CSMD3: variants seen among roughly 807,000 people sequenced by gnomAD.
CSMD3 encodes the protein CUB and sushi domain-containing protein 3.
CSMD3 carries 177 observed loss-of-function variants against 435.2 expected under a neutral mutation model. The observed-to-expected ratio is 0.41, with a 90% CI of 0.36 to 0.46. The LOEUF is 0.46. Among genes scored for constraint, CSMD3 ranks in the 20% least tolerant of loss-of-function variants. CSMD3 has a pLI of 0.34. For missense variants in CSMD3, 4,265 were observed against 4,504.6 expected, an observed-to-expected ratio of 0.95 and a Z score of 1.52; for synonymous variants, 1,656 against 1,520.5, an observed-to-expected ratio of 1.09 and a Z score of -2.07.
intron 57 of CSMD3, 25 bp from the exon 58 acceptor site, chr8:112,287,271 A>C: frequency 6.2e-7 from 1 of 1,611,476 alleles, no homozygotes; most frequent in Admixed American, 1.7e-5. Flanking sequence ...AGTTCAAGTT[A>C]ACCAATTCCC....
At chr8:113,413,002 G>T (rs1235366533) in intron 1 of CSMD3, among the ~76,000 whole-genome samples, 1 of 152,028 alleles carries the variant, frequency 6.6e-6, no homozygotes, top group South Asian at 2.1e-4. Context: ...AACAGGACAT[G>T]ATAAATTAGC....
At chr8:112,983,564 C>G (rs957758983) in intron 6 of CSMD3, among the ~76,000 whole-genome samples, 4 of 149,694 alleles carry the variant, frequency 2.7e-5, no homozygotes, top group African/African-American at 9.9e-5. Flanking sequence ...GAGGGCCATA[C>G]TAGATTAATT....
At chr8:113,267,157 G>A (rs896263013) in intron 3 of CSMD3, among the ~76,000 whole-genome samples, 3 of 151,534 alleles carry the variant, frequency 2.0e-5, no homozygotes, top group African/African-American at 7.3e-5. Context: ...GTAGGAATGG[G>A]TACTAGTACA....
chr8:112,816,393 C>T (rs2079375756), intron 12 of CSMD3, among the ~76,000 whole-genome samples: 1 of 152,100 alleles, frequency 6.6e-6, no homozygotes, highest in Non-Finnish European at 1.5e-5. Flanking sequence ...ATAATTATAA[C>T]ACAAGGGGCT....
chr8:113,436,938 G>A lies in CSMD3; in HGVS notation c.-84C>T, dbSNP rs1419498873. 4.8e-6 allele frequency: 7 copies of A among 1,455,502 alleles called. No individual in the cohort carries two copies. The highest frequency in any genetic ancestry group is 6.7e-6 in the Non-Finnish European group (7 of 1,041,130). 90.2% of individuals were successfully genotyped at this position (1,455,502 alleles called of 1,614,324 possible). A position where few individuals can be genotyped will look rare whatever the true frequency, so the allele number is the denominator to read the frequency against. ...TGTTGGTGCGCGGTCACAGCTCGGA[G>A]TGAATGGTGTTTCTGGGATACCACA... On this transcript the variant is annotated 5_prime_UTR_variant, in exon 1 of 71. Transcript: ENST00000297405.
chr8:113,432,990 G>A (rs1022992009), intron 1 of CSMD3, among the ~76,000 whole-genome samples: 3 of 152,116 alleles, frequency 2.0e-5, no homozygotes, highest in South Asian at 2.1e-4. Flanking sequence ...TTCAACTTCG[G>A]GTTGTCCATG....
chr8:113,346,944 A>G (rs2094155687), intron 1 of CSMD3, among the ~76,000 whole-genome samples: 1 of 152,034 alleles, frequency 6.6e-6, no homozygotes, highest in Admixed American at 6.6e-5. Context: ...CTTCTTTATG[A>G]GAAAATGGAG....
chr8:112,390,649 C>T lies in CSMD3; in HGVS notation c.5934+15G>A, dbSNP rs771958448. The T allele has an allele frequency of 1.9e-6, 3 of 1,606,576 alleles. No individual in the cohort carries two copies. Among genetic ancestry groups the T allele is most frequent in the Non-Finnish European group, 2.6e-6 (3 of 1,173,292 alleles). On this transcript the variant is annotated intron_variant, in intron 36 of 70. Coordinates refer to ENST00000297405, the MANE Select transcript of CSMD3 (RefSeq NM_198123.2). ...ACACATACAATGAAAAGAAGAAAAA[C>T]TTAAATATTCTTACTTGAATGCCAG... is the stretch of plus-strand genomic sequence containing the variant.
At chr8:113,024,416 T>C (rs1252293209) in intron 5 of CSMD3, among the ~76,000 whole-genome samples, 3 of 151,190 alleles carry the variant, frequency 2.0e-5, no homozygotes, top group Non-Finnish European at 4.4e-5. Context: ...GCAATAAAAA[T>C]AGGAGTTCAT....
At chr8:112,294,340 G>A (rs1015914911) in intron 54 of CSMD3, among the ~76,000 whole-genome samples, 6 of 151,968 alleles carry the variant, frequency 3.9e-5, no homozygotes, top group Non-Finnish European at 7.4e-5. Flanking sequence ...TTGTTTATCT[G>A]ACACTTCCAA....
At chr8:112,243,427 C>A (rs185919277) in intron 65 of CSMD3, among the ~76,000 whole-genome samples, 1 of 152,016 alleles carries the variant, frequency 6.6e-6, no homozygotes, top group Non-Finnish European at 1.5e-5. Context: ...GAAAAAGTTC[C>A]TTTACTCCTT....
At chr8:112,258,043 T>C (rs1214094702) in intron 61 of CSMD3, among the ~76,000 whole-genome samples, 1 of 152,220 alleles carries the variant, frequency 6.6e-6, no homozygotes, top group Non-Finnish European at 1.5e-5. Flanking sequence ...GGATTCGCTA[T>C]TTAATAAACG....
chr8:112,681,777 G>T (rs1563846335), intron 16 of CSMD3, among the ~76,000 whole-genome samples: 1 of 152,112 alleles, frequency 6.6e-6, no homozygotes, highest in East Asian at 1.9e-4. Flanking sequence ...TGAGGCAGGA[G>T]AATTGCTGGA....
At position 112,620,289 on chromosome 8, in the gene CSMD3, G is replaced by A. The variant is rs28369220; in HGVS notation, c.3715+16528C>T. Among the ~76,000 whole-genome samples the A allele has an allele frequency of 3.9e-3, 600 of 152,190 alleles. 5 individuals are homozygous for A. Among genetic ancestry groups the A allele is most frequent in the African/African-American group, 0.013 (537 of 41,544 alleles). On this transcript the variant is annotated intron_variant, in intron 22 of 70. Coordinates refer to ENST00000297405, the MANE Select transcript of CSMD3 (RefSeq NM_198123.2). ...GGGAAATTTTTGGAAATTTCAGTAG[G>A]AACCGTATGTTAAATTATTCCAAAT...
chr8:113,153,026 G>T (rs1418040300), intron 4 of CSMD3, among the ~76,000 whole-genome samples: 1 of 114,086 alleles, frequency 8.8e-6, no homozygotes, highest in African/African-American at 3.2e-5. Context: ...GAAAAGAAAA[G>T]AGAAAAGAAA....
intron 61 of CSMD3, among the ~76,000 whole-genome samples, chr8:112,260,896 C>T (rs1323325182): frequency 6.6e-6 from 1 of 152,086 alleles, no homozygotes; most frequent in African/African-American, 2.4e-5. Context: ...AAAGCCTGGA[C>T]TTCTCCACTA....
At chr8:112,689,651 T>C (rs1405851675) in intron 14 of CSMD3, among the ~76,000 whole-genome samples, 4 of 152,052 alleles carry the variant, frequency 2.6e-5, no homozygotes, top group Non-Finnish European at 5.9e-5. Context: ...ACGTAATATA[T>C]ATTTTGCCAT....
chr8:112,620,181 A>C (rs1490600261), intron 22 of CSMD3, among the ~76,000 whole-genome samples: 1 of 152,160 alleles, frequency 6.6e-6, no homozygotes, highest in African/African-American at 2.4e-5. Flanking sequence ...AAAATACTAA[A>C]GAATTAGAAT....
intron 3 of CSMD3, among the ~76,000 whole-genome samples, chr8:113,181,454 A>G (rs1033742671): frequency 6.6e-5 from 10 of 152,092 alleles, no homozygotes; most frequent in African/African-American, 1.9e-4. Context: ...TACAAGGTAG[A>G]AAATACTTTG....
Sources: gnomAD v4.1 joint callset for allele counts (sites outside exome capture counted in the v4.1 genomes callset) on GRCh38, gnomAD v4.1.1 for gene constraint, MANE v1.5 for transcripts, NCBI Gene and HGNC (gene_info 2026-07-23, HGNC 2026-07-21) for gene names.